The following MKLN1 variants were observed in gnomAD, a reference collection of about 807,000 sequenced individuals.
The protein encoded by MKLN1 is muskelin 1.
Under a neutral mutation model 99.0 loss-of-function variants are expected in MKLN1, and 18 were observed. That is an observed-to-expected ratio of 0.18 (90% CI 0.13 to 0.27). The LOEUF (loss-of-function observed/expected upper bound fraction) is 0.27, where lower values mean the gene tolerates loss of function less well. MKLN1 is among the 10% of genes least tolerant of loss of function. The pLI is 1.00. For synonymous variants in MKLN1, 288 were observed against 293.2 expected (o/e 0.98, Z 0.18); for missense variants, 621 against 875.9 (o/e 0.71, Z 3.67).
intron 1 of MKLN1, among the ~76,000 whole-genome samples, chr7:131,341,291 A>G (rs1406633104): frequency 1.3e-5 from 2 of 152,124 alleles, no homozygotes; most frequent in Non-Finnish European, 2.9e-5. Flanking sequence ...CATTGCAGTC[A>G]ATTTTAGAAC....
intron 8 of MKLN1, among the ~76,000 whole-genome samples, chr7:131,419,408 A>G (rs1375366246): frequency 6.6e-6 from 1 of 151,232 alleles, no homozygotes; most frequent in Non-Finnish European, 1.5e-5. Context: ...CCGCCCAGCT[A>G]ATTTTTGTAT....
chr7:131,284,259 G>A (rs902675740), intron 3 of MKLN1, among the ~76,000 whole-genome samples: 3 of 152,154 alleles, frequency 2.0e-5, no homozygotes, highest in Non-Finnish European at 2.9e-5. Flanking sequence ...TGATATACAA[G>A]AATTTGTCTT....
rs201603814 is a variant in MKLN1 at position 131,444,757 on chromosome 7, TAGA to T, written c.1396-1011_1396-1009del. ...GTAGTAGTAGTAGTAGTAGTAGTAGTAGAAGAAGTAGTAGTAGTAGTAGTAGTA... is the reference window on the plus strand; with the variant it reads ...GTAGTAGTAGTAGTAGTAGTAGTAGTAGAAGTAGTAGTAGTAGTAGTAGTA... On this transcript the variant is annotated intron_variant, in intron 11 of 17. Coordinates refer to ENST00000352689, the MANE Select transcript of MKLN1 (RefSeq NM_013255.5). Among the ~76,000 whole-genome samples the T allele has an allele frequency of 5.7e-3, 358 of 63,062 alleles. 1 individual carries two copies. Among genetic ancestry groups the T allele is most frequent in the Middle Eastern group, 0.038 (4 of 106 alleles). The allele number at this position is 63,062 out of a possible 152,430, so 41.4% of individuals were successfully genotyped here.
chr7:131,138,809 T>G (rs1037947041), intron 1 of MKLN1, among the ~76,000 whole-genome samples: 4 of 152,208 alleles, frequency 2.6e-5, no homozygotes, highest in East Asian at 1.9e-4. Context: ...CTTTATCTCC[T>G]CTCTGTGCTA....
At chr7:131,479,455 A>C (rs927393388) in intron 17 of MKLN1, among the ~76,000 whole-genome samples, 3 of 152,150 alleles carry the variant, frequency 2.0e-5, no homozygotes, top group East Asian at 3.9e-4. Context: ...ACTTGAGCCC[A>C]GGAGGTAGAG....
At chr7:131,275,534 GATATATAT>G (rs1166104066) in intron 3 of MKLN1, among the ~76,000 whole-genome samples, 33 of 14,248 alleles carry the variant, frequency 2.3e-3, no homozygotes, top group South Asian at 5.9e-3. Context: ...ACGCCCAGCT[GATATATAT>G]ATATATATAT....
chr7:131,176,728 C>A (rs1209680731), intron 2 of MKLN1, among the ~76,000 whole-genome samples: 2 of 152,224 alleles, frequency 1.3e-5, no homozygotes, highest in Non-Finnish European at 2.9e-5. Context: ...TCTTTTCCTG[C>A]AAATAACAAT....
chr7:131,394,801 C>T (rs1220753368), intron 4 of MKLN1, among the ~76,000 whole-genome samples: 1 of 151,986 alleles, frequency 6.6e-6, no homozygotes, highest in African/African-American at 2.4e-5. Context: ...AAGATAGTTG[C>T]ATTATTGATT....
At chr7:131,456,395 A>G (rs1796339716) in intron 12 of MKLN1, among the ~76,000 whole-genome samples, 1 of 152,222 alleles carries the variant, frequency 6.6e-6, no homozygotes, top group South Asian at 2.1e-4. Flanking sequence ...CCAGAGAAAT[A>G]AAATTGAGAG....
At chr7:131,361,894 C>T (rs867918724) in intron 1 of MKLN1, among the ~76,000 whole-genome samples, 4 of 151,450 alleles carry the variant, frequency 2.6e-5, no homozygotes, top group East Asian at 1.9e-4. Context: ...AGTTTTAGTT[C>T]GGTGGTTAAA....
chr7:131,392,864 CA>C (rs1278497642), intron 4 of MKLN1, among the ~76,000 whole-genome samples: 1 of 151,998 alleles, frequency 6.6e-6, no homozygotes, highest in African/African-American at 2.4e-5. Context: ...CTTGGCCTCC[CA>C]AAGTGCTGGG....
At chr7:131,363,746 G>A (rs1171712342) in intron 1 of MKLN1, among the ~76,000 whole-genome samples, 4 of 144,154 alleles carry the variant, frequency 2.8e-5, no homozygotes, top group Non-Finnish European at 1.5e-5. Flanking sequence ...TTCTTTTTTT[G>A]TACCATCCCT....
At chr7:131,160,479 TATTATTATTATTA>T (rs1229430376) in intron 2 of MKLN1, among the ~76,000 whole-genome samples, 2 of 136,410 alleles carry the variant, frequency 1.5e-5, no homozygotes, top group Admixed American at 1.6e-4. Flanking sequence ...TAACTTATTT[TATTATTATTATTA>T]ATTATTATTA....
intron 2 of MKLN1, among the ~76,000 whole-genome samples, chr7:131,380,179 A>G (rs936536889): frequency 6.6e-6 from 1 of 152,234 alleles, no homozygotes; most frequent in African/African-American, 2.4e-5. Flanking sequence ...CTGGATTAAA[A>G]TAATCAGGAA....
intron 3 of MKLN1, among the ~76,000 whole-genome samples, chr7:131,260,178 G>A (rs1444528346): frequency 1.3e-5 from 2 of 151,980 alleles, no homozygotes; most frequent in East Asian, 3.9e-4. Context: ...AAGTAGCTGA[G>A]ACTACAGGCA....
intron 4 of MKLN1, among the ~76,000 whole-genome samples, chr7:131,392,099 G>A (rs1412032813): frequency 1.3e-5 from 2 of 152,182 alleles, no homozygotes; most frequent in African/African-American, 4.8e-5. Flanking sequence ...ACATAAAATG[G>A]GTTGAGGGTA....
chr7:131,298,744 G>A (rs147384546), intron 3 of MKLN1, among the ~76,000 whole-genome samples: 66 of 152,270 alleles, frequency 4.3e-4, no homozygotes, highest in Non-Finnish European at 7.6e-4. Flanking sequence ...CCCTCATGTT[G>A]CAGGTGAATG....
intron 1 of MKLN1, among the ~76,000 whole-genome samples, chr7:131,359,531 A>C (rs1238437972): frequency 1.3e-5 from 2 of 152,126 alleles, no homozygotes; most frequent in African/African-American, 4.8e-5. Context: ...CTTCAGTTCA[A>C]GGGTATTCTG....
rs779932965 is a variant in MKLN1 at position 131,437,967 on chromosome 7, T to A, written c.1143T>A (p.Asp381Glu). 3.1e-6 allele frequency: 5 copies of A among 1,613,808 alleles called. No individual in the cohort carries two copies. In the Admixed American group the frequency reaches 6.7e-5, roughly 22 times the overall value. ...TACTAAGTGAGGATACTGCTGCTGATGGAGGGCCGAAATTGGTGTTTGATC... is the reference window on the plus strand; with the variant it reads ...TACTAAGTGAGGATACTGCTGCTGAAGGAGGGCCGAAATTGGTGTTTGATC... Reference protein sequence around the residue: ...WMLLSEDTAADGGPKLVFDHQ... With the variant: ...WMLLSEDTAAEGGPKLVFDHQ... Residue 381 changes from aspartate (D) to glutamate (E), a missense_variant, in exon 10 of 18, where the codon GAT becomes GAA. Coordinates refer to ENST00000352689, the MANE Select transcript of MKLN1 (RefSeq NM_013255.5).
Sources: gnomAD v4.1 joint callset for allele counts (sites outside exome capture counted in the v4.1 genomes callset) on GRCh38, gnomAD v4.1.1 for gene constraint, MANE v1.5 for transcripts, NCBI Gene and HGNC (gene_info 2026-07-23, HGNC 2026-07-21) for gene names.